Variants in SPIDR observed in about 807,000 individuals in gnomAD.
SPIDR encodes the protein scaffold protein involved in DNA repair.
A neutral mutation model predicts 104.6 loss-of-function variants in SPIDR; 93 were observed. That is an observed-to-expected ratio of 0.89 (90% CI 0.75 to 1.06). The LOEUF (loss-of-function observed/expected upper bound fraction) is 1.06. Among genes scored for constraint, SPIDR ranks in the 50% least tolerant of loss-of-function variants. The probability of loss-of-function intolerance (pLI) is 0.00; values close to 1 mark genes in which losing one functional copy is unlikely to be tolerated. For missense variants in SPIDR, 1,154 were observed against 1,111.2 expected (o/e 1.04, Z -0.55); for synonymous variants, 431 against 416.9 (o/e 1.03, Z -0.41).
chr8:47,432,777 A>G (rs2067586499), intron 7 of SPIDR, among the ~76,000 whole-genome samples: 1 of 152,194 alleles, frequency 6.6e-6, no homozygotes, highest in Non-Finnish European at 1.5e-5. Flanking sequence ...TAGAGCAGTA[A>G]GAAGTAACAG....
At chr8:47,683,389 C>T (rs539933385) in intron 11 of SPIDR, among the ~76,000 whole-genome samples, 1 of 152,304 alleles carries the variant, frequency 6.6e-6, no homozygotes, top group East Asian at 1.9e-4. Context: ...AGTGGGTGAA[C>T]ATCCCCCTCA....
chr8:47,577,202 G>C (rs2059223194), intron 8 of SPIDR, among the ~76,000 whole-genome samples: 1 of 152,180 alleles, frequency 6.6e-6, no homozygotes. Flanking sequence ...GATCTTTATT[G>C]TTAGTTAGAA....
chr8:47,447,196 A>G (rs2070811163), intron 8 of SPIDR, among the ~76,000 whole-genome samples: 1 of 152,104 alleles, frequency 6.6e-6, no homozygotes, highest in Non-Finnish European at 1.5e-5. Flanking sequence ...ATGAGCAAAG[A>G]AACTGTTTTT....
intron 3 of SPIDR, among the ~76,000 whole-genome samples, chr8:47,285,902 G>T (rs1366486852): frequency 6.6e-6 from 1 of 152,140 alleles, no homozygotes; most frequent in Non-Finnish European, 1.5e-5. Context: ...ACCCAGAAAT[G>T]TTCAGTGTGG....
chr8:47,464,283 T>C (rs2074418736), intron 8 of SPIDR, among the ~76,000 whole-genome samples: 1 of 152,132 alleles, frequency 6.6e-6, no homozygotes, highest in African/African-American at 2.4e-5. Flanking sequence ...ACTACAATAG[T>C]ATTTTTTAAA....
intron 5 of SPIDR, among the ~76,000 whole-genome samples, chr8:47,351,700 T>C (rs1448525630): frequency 6.6e-6 from 1 of 152,154 alleles, no homozygotes; most frequent in East Asian, 1.9e-4. Context: ...AAAACAAAAC[T>C]TGATTTTGCC....
At chr8:47,391,864 C>T (rs1021504803) in intron 5 of SPIDR, among the ~76,000 whole-genome samples, 1 of 151,594 alleles carries the variant, frequency 6.6e-6, no homozygotes, top group South Asian at 2.1e-4. Context: ...GGCGTAGTGG[C>T]GGGCGCCTGT....
intron 8 of SPIDR, among the ~76,000 whole-genome samples, chr8:47,501,652 T>G (rs984938834): frequency 6.6e-6 from 1 of 152,216 alleles, no homozygotes; most frequent in East Asian, 1.9e-4. Context: ...TCCTGCCTGA[T>G]TGCCCTGGCC....
At chr8:47,588,254 T>C (rs537095729) in intron 8 of SPIDR, among the ~76,000 whole-genome samples, 16 of 150,428 alleles carry the variant, frequency 1.1e-4, no homozygotes, top group African/African-American at 3.6e-4. Flanking sequence ...TTTATCAGTG[T>C]TTTGTAGCTT....
intron 8 of SPIDR, among the ~76,000 whole-genome samples, chr8:47,545,525 A>T (rs908360773): frequency 6.6e-6 from 1 of 151,938 alleles, no homozygotes; most frequent in Non-Finnish European, 1.5e-5. Context: ...TAGTTTTAGA[A>T]GTTTTTTGTA....
At chr8:47,416,466 A>C (rs184833002) in intron 7 of SPIDR, among the ~76,000 whole-genome samples, 420 of 152,260 alleles carry the variant, frequency 2.8e-3, no homozygotes, top group African/African-American at 9.8e-3. Flanking sequence ...TGAGTCATTA[A>C]AAATAAAAGG....
At chr8:47,494,599 G>C (rs754253783) in intron 8 of SPIDR, among the ~76,000 whole-genome samples, 1 of 151,902 alleles carries the variant, frequency 6.6e-6, no homozygotes, top group Non-Finnish European at 1.5e-5. Context: ...TACGGCTTAG[G>C]ATACTAGATT....
chr8:47,311,385 G>A (rs1364052960), intron 5 of SPIDR, among the ~76,000 whole-genome samples: 1 of 152,162 alleles, frequency 6.6e-6, no homozygotes, highest in African/African-American at 2.4e-5. Context: ...AAAAATTCTG[G>A]AGAAATTATG....
intron 11 of SPIDR, among the ~76,000 whole-genome samples, chr8:47,697,594 G>A (rs558716495): frequency 2.6e-5 from 4 of 152,216 alleles, no homozygotes; most frequent in Admixed American, 6.5e-5. Context: ...GAGCAGCTGC[G>A]TGTTCTGCAG....
At chr8:47,430,391 T>G (rs1405758891) in intron 7 of SPIDR, among the ~76,000 whole-genome samples, 2 of 152,156 alleles carry the variant, frequency 1.3e-5, no homozygotes, top group Admixed American at 6.5e-5. Flanking sequence ...CAACTTAGGA[T>G]GAATTAGAAG....
At chr8:47,701,635 T>C in intron 12 of SPIDR, 86 bp from the exon 13 acceptor site, 2 of 1,328,904 alleles carry the variant, frequency 1.5e-6, no homozygotes, top group Non-Finnish European at 2.1e-6. Flanking sequence ...AATATGTATA[T>C]ATTAAAGAGG....
At chr8:47,281,627 G>T (rs1362736107) in intron 2 of SPIDR, among the ~76,000 whole-genome samples, 1 of 152,194 alleles carries the variant, frequency 6.6e-6, no homozygotes, top group Non-Finnish European at 1.5e-5. Flanking sequence ...CAGCAATTCA[G>T]TCATATCTTC....
intron 3 of SPIDR, among the ~76,000 whole-genome samples, chr8:47,289,330 A>C (rs2039471543): frequency 6.6e-6 from 1 of 152,292 alleles, no homozygotes; most frequent in Non-Finnish European, 1.5e-5. Context: ...TTTTATAAAT[A>C]TCTAATCTCT....
At chr8:47,494,631 C>G (rs927592520) in intron 8 of SPIDR, among the ~76,000 whole-genome samples, 1 of 151,968 alleles carries the variant, frequency 6.6e-6, no homozygotes, top group Non-Finnish European at 1.5e-5. Context: ...TTGTGAGGAT[C>G]AAATGAGATT....
Sources: allele counts gnomAD v4.1 joint callset (sites outside exome capture counted in the v4.1 genomes callset), GRCh38; gene constraint gnomAD v4.1.1; transcripts MANE v1.5; gene names NCBI Gene and HGNC (gene_info 2026-07-23, HGNC 2026-07-21).